ASIC2: variants seen among roughly 807,000 people sequenced by gnomAD.
ASIC2 encodes acid sensing ion channel subunit 2.
Under a neutral mutation model 57.3 loss-of-function variants are expected in ASIC2, and 25 were observed. The ratio of observed to expected loss-of-function variants is 0.44; its 90% confidence interval spans 0.32 to 0.61. The LOEUF is 0.61. ASIC2 is among the 20% of genes least tolerant of loss of function. The pLI is 0.06. For missense variants in ASIC2, 641 were observed against 738.1 expected, an observed-to-expected ratio of 0.87 and a Z score of 1.52; for synonymous variants, 319 against 307.5, an observed-to-expected ratio of 1.04 and a Z score of -0.39.
Position 33,111,935 on chromosome 17 carries a change from G to T in ASIC2, c.841C>A (p.Pro281Thr). ...MLDIQQDEYL[P>T]IWGETEETTF... is the part of the protein sequence containing the mutation. ...AGCTCACCTGTCTCTCCCCAGATGG[G>T]CAGGTACTCATCCTGCTGAATGTCC... The change falls in exon 2 of 10, where the codon CCC becomes ACC. Residue 281 changes from proline (P) to threonine (T), a missense_variant. Transcript: ENST00000225823. 6.2e-7 allele frequency: 1 copy of T among 1,613,286 alleles called. No individual in the cohort carries two copies. Among genetic ancestry groups the T allele is most frequent in the Non-Finnish European group, 8.5e-7 (1 of 1,179,622 alleles).
At chr17:33,788,758 G>A (rs969209892) in intron 1 of ASIC2, among the ~76,000 whole-genome samples, 3 of 152,294 alleles carry the variant, frequency 2.0e-5, no homozygotes, top group Admixed American at 6.5e-5. Context: ...GCAGGGACAT[G>A]GATGAAACCG....
chr17:33,876,310 C>A (rs1364185545), intron 1 of ASIC2, among the ~76,000 whole-genome samples: 1 of 152,208 alleles, frequency 6.6e-6, no homozygotes, highest in African/African-American at 2.4e-5. Flanking sequence ...TGGAATTGCC[C>A]ACCTTGGAAG....
At chr17:33,509,924 A>G (rs1214557697) in intron 1 of ASIC2, among the ~76,000 whole-genome samples, 1 of 152,226 alleles carries the variant, frequency 6.6e-6, no homozygotes, top group African/African-American at 2.4e-5. Context: ...TCAGAGTCCT[A>G]CTGTGTAAAA....
chr17:33,672,034 C>A (rs1163887032), intron 1 of ASIC2, among the ~76,000 whole-genome samples: 1 of 152,010 alleles, frequency 6.6e-6, no homozygotes, highest in Non-Finnish European at 1.5e-5. Context: ...GTTTGAAAAG[C>A]CAAGAAAAAA....
intron 1 of ASIC2, among the ~76,000 whole-genome samples, chr17:33,555,765 G>A (rs1915889272): frequency 6.6e-6 from 1 of 152,138 alleles, no homozygotes; most frequent in African/African-American, 2.4e-5. Context: ...GGAATTCAAA[G>A]CAATCATGGA....
chr17:33,312,657 A>G (rs142967425), intron 1 of ASIC2, among the ~76,000 whole-genome samples: 172 of 152,272 alleles, frequency 1.1e-3, no homozygotes, highest in Non-Finnish European at 2.0e-3. Context: ...AGTGTGGGCC[A>G]GGTGCGGTGG....
chr17:33,027,907 A>G (rs2091865594), intron 4 of ASIC2, among the ~76,000 whole-genome samples: 1 of 152,260 alleles, frequency 6.6e-6, no homozygotes, highest in African/African-American at 2.4e-5. Flanking sequence ...GGATGCTCAA[A>G]CATGTACTAC....
At chr17:34,147,789 C>T (rs1433787717) in intron 1 of ASIC2, among the ~76,000 whole-genome samples, 5 of 152,166 alleles carry the variant, frequency 3.3e-5, no homozygotes, top group African/African-American at 9.7e-5. Flanking sequence ...AGAAAGCACA[C>T]AGCAAATTTT....
Position 33,398,222 on chromosome 17 carries a change from G to C in ASIC2, c.556-286155C>G, listed in dbSNP as rs537111529. 2.6e-5 allele frequency among the ~76,000 whole-genome samples: 4 copies of C among 151,952 alleles called. No individual in the cohort carries two copies. In the East Asian group the frequency reaches 5.9e-4, roughly 22 times the overall value. ...TAGAACAAAAGCTCCAAGAAGTTAA[G>C]AATCTTTTCTATTTTGTTCACTGAT... On this transcript the variant is annotated intron_variant, in intron 1 of 9. Coordinates refer to the ASIC2 transcript ENST00000359872.
At chr17:33,050,310 T>C (rs1276538525) in intron 3 of ASIC2, among the ~76,000 whole-genome samples, 6 of 152,142 alleles carry the variant, frequency 3.9e-5, no homozygotes, top group Non-Finnish European at 8.8e-5. Flanking sequence ...TGACAAAACG[T>C]ATTGGCGGCA....
intron 1 of ASIC2, among the ~76,000 whole-genome samples, chr17:33,725,415 C>G (rs1909516189): frequency 6.6e-6 from 1 of 152,184 alleles, no homozygotes; most frequent in Admixed American, 6.5e-5. Flanking sequence ...CACGGGGAGG[C>G]AGGCAGGGCA....
Position 33,114,277 on chromosome 17 carries a change from T to A in ASIC2, c.709-2210A>T, listed in dbSNP as rs188110971. Among the ~76,000 whole-genome samples, 6 of 152,356 alleles carry A rather than the reference T, an allele frequency of 3.9e-5. No homozygotes were observed. The East Asian group carries it at 1.2e-3, about 29-fold the overall frequency. ...TTTCATAACTATTGCATATAGCAAT[T>A]GAACTTGGCAAATGAACTTATCCCA... On this transcript the variant is annotated intron_variant, in intron 1 of 9. Transcript: ENST00000225823.
At chr17:33,992,746 T>A (rs1906040024) in intron 1 of ASIC2, among the ~76,000 whole-genome samples, 1 of 152,188 alleles carries the variant, frequency 6.6e-6, no homozygotes, top group Non-Finnish European at 1.5e-5. Flanking sequence ...CAGCGCTGGT[T>A]GTTAAATATT....
chr17:33,836,976 G>A (rs1044894066), intron 1 of ASIC2, among the ~76,000 whole-genome samples: 6 of 152,208 alleles, frequency 3.9e-5, no homozygotes, highest in African/African-American at 1.2e-4. Flanking sequence ...TACACTGGTT[G>A]TCCAACAGTT....
chr17:33,026,056 G>T, intron 4 of ASIC2, 74 bp from the exon 5 acceptor site: 1 of 1,550,280 alleles, frequency 6.5e-7, no homozygotes, highest in Non-Finnish European at 8.8e-7. Flanking sequence ...TCTGCTTTGG[G>T]CTTAGGGAAA....
chr17:33,645,604 T>C (rs1262872513), intron 1 of ASIC2, among the ~76,000 whole-genome samples: 3 of 152,304 alleles, frequency 2.0e-5, no homozygotes, highest in Non-Finnish European at 2.9e-5. Flanking sequence ...AGCTAAGAAC[T>C]GAGATTTCCT....
At chr17:33,454,764 T>C (rs1399997457) in intron 1 of ASIC2, among the ~76,000 whole-genome samples, 1 of 152,212 alleles carries the variant, frequency 6.6e-6, no homozygotes, top group African/African-American at 2.4e-5. Context: ...ATTTGGTGTC[T>C]GGTGAGGGAT....
chr17:33,870,236 T>TTG (rs1914363406), intron 1 of ASIC2, among the ~76,000 whole-genome samples: 1 of 136,174 alleles, frequency 7.3e-6, no homozygotes, highest in Non-Finnish European at 1.6e-5. Context: ...TTTTTTTTTT[T>TTG]TTTTTTTTTT....
chr17:33,665,779 T>A (rs905410844), intron 1 of ASIC2, among the ~76,000 whole-genome samples: 2 of 152,106 alleles, frequency 1.3e-5, no homozygotes, highest in African/African-American at 4.8e-5. Context: ...CAGAATTAAA[T>A]ATTCAGAGGT....
Sources: allele counts gnomAD v4.1 joint callset (sites outside exome capture counted in the v4.1 genomes callset), GRCh38; gene constraint gnomAD v4.1.1; transcripts MANE v1.5; gene names NCBI Gene and HGNC (gene_info 2026-07-23, HGNC 2026-07-21).